SNX25: variants seen among roughly 807,000 people sequenced by gnomAD.
The protein encoded by SNX25 is sorting nexin-25.
Under a neutral mutation model 113.7 loss-of-function variants are expected in SNX25, and 62 were observed. The observed-to-expected ratio is 0.55, with a 90% CI of 0.44 to 0.67. SNX25 has a LOEUF of 0.67. Ranked by LOEUF, SNX25 falls within the 30% of genes least tolerant of loss-of-function variation. The pLI is 0.00. For synonymous variants in SNX25, 421 were observed against 436.2 expected (o/e 0.97, Z 0.43); for missense variants, 1,014 against 1,161.0 (o/e 0.87, Z 1.84).
chr4:185,346,958 T>C (rs548274527), intron 13 of SNX25, among the ~76,000 whole-genome samples: 25 of 152,300 alleles, frequency 1.6e-4, no homozygotes, highest in Admixed American at 1.3e-3. Context: ...GCAACTGCTG[T>C]CCCGACTTCC....
At chr4:185,315,292 A>ATTTTTT (rs56655112) in intron 7 of SNX25, among the ~76,000 whole-genome samples, 1 of 119,384 alleles carries the variant, frequency 8.4e-6, no homozygotes, top group African/African-American at 3.3e-5. Flanking sequence ...TTCACTGGTG[A>ATTTTTT]TTTTTTTTTT....
chr4:185,333,997 C>T (rs941512721), intron 10 of SNX25, among the ~76,000 whole-genome samples: 67 of 148,384 alleles, frequency 4.5e-4, no homozygotes, highest in African/African-American at 1.6e-3. Flanking sequence ...TGCAGTGAGC[C>T]GTGATCATGT....
intron 1 of SNX25, among the ~76,000 whole-genome samples, chr4:185,211,648 C>G (rs1283919204): frequency 6.6e-6 from 1 of 152,136 alleles, no homozygotes; most frequent in African/African-American, 2.4e-5. Context: ...CAACAGGACA[C>G]ATAAATATCC....
intron 1 of SNX25, among the ~76,000 whole-genome samples, chr4:185,239,147 G>A (rs955633409): frequency 7.9e-5 from 12 of 152,142 alleles, no homozygotes; most frequent in Admixed American, 5.2e-4. Context: ...TTGATAAAAC[G>A]TACATGCTTT....
chr4:185,376,993 A>G, the SNX25 span: 1 of 1,613,546 alleles, frequency 6.2e-7, no homozygotes, highest in Non-Finnish European at 8.5e-7. Flanking sequence ...GCAATGCCTT[A>G]TCCACCAAAT....
intron 5 of SNX25, among the ~76,000 whole-genome samples, chr4:185,278,473 G>T (rs1022945095): frequency 1.5e-4 from 21 of 144,662 alleles, no homozygotes; most frequent in Non-Finnish European, 4.5e-5. Flanking sequence ...TAGGATTGTT[G>T]TGATAATTAA....
intron 15 of SNX25, 134 bp downstream of exon 15, chr4:185,353,736 T>A: frequency 1.2e-6 from 1 of 822,294 alleles, no homozygotes; most frequent in Non-Finnish European, 2.0e-6. Flanking sequence ...ATCCATTCAT[T>A]CAACATAGCC....
chr4:185,362,260 A>G (rs575703108), intron 17 of SNX25, 155 bp downstream of exon 17: 1 of 985,390 alleles, frequency 1.0e-6, no homozygotes, highest in Admixed American at 6.1e-5. Flanking sequence ...ACTTGCTAAG[A>G]AGTTATACTG....
chr4:185,376,896 C>T, the SNX25 span: 1 of 1,581,652 alleles, frequency 6.3e-7, no homozygotes. Flanking sequence ...AACGAATAAA[C>T]AAAAAATGAT....
chr4:185,310,661 G>T lies in SNX25; in HGVS notation c.1189G>T (p.Asp397Tyr), dbSNP rs758933763. The T allele has an allele frequency of 6.2e-7, 1 of 1,613,294 alleles. No individual in the cohort carries two copies. Among genetic ancestry groups the T allele is most frequent in the Admixed American group, 1.7e-5 (1 of 59,886 alleles). ...KGKETAAMKA[D>Y]LLRARNMKRY... is the part of the protein sequence containing the mutation. ...TAAAGAAACTGCGGCAATGAAAGCTGATCTCCTGAGGGCCAGGAACATGAA... is the reference window on the plus strand; with the variant it reads ...TAAAGAAACTGCGGCAATGAAAGCTTATCTCCTGAGGGCCAGGAACATGAA... The change falls in exon 7 of 19, where the codon GAT (aspartate) becomes TAT (tyrosine). Residue 397 changes from aspartate to tyrosine, a missense_variant. Physicochemically the swap from Asp to Tyr is radical, Grantham distance 160 (BLOSUM62 -3). Transcript: ENST00000652585.
intron 6 of SNX25, among the ~76,000 whole-genome samples, chr4:185,295,483 T>G (rs557838080): frequency 6.6e-6 from 1 of 151,298 alleles, no homozygotes; most frequent in East Asian, 1.9e-4. Context: ...AGGGTCTGGC[T>G]TTGTCACCCA....
chr4:185,344,107 G>A (rs2095273265), intron 12 of SNX25, among the ~76,000 whole-genome samples: 1 of 152,164 alleles, frequency 6.6e-6, no homozygotes, highest in African/African-American at 2.4e-5. Flanking sequence ...TGTAGTCTCA[G>A]TTTCTCAAGA....
intron 6 of SNX25, among the ~76,000 whole-genome samples, chr4:185,300,339 T>A (rs913735231): frequency 2.6e-5 from 4 of 151,486 alleles, no homozygotes; most frequent in South Asian, 2.1e-4. Context: ...TTTTTTTTTT[T>A]TGTATTTTTA....
intron 7 of SNX25, among the ~76,000 whole-genome samples, chr4:185,317,312 C>T (rs1353692469): frequency 6.6e-6 from 1 of 152,122 alleles, no homozygotes; most frequent in Non-Finnish European, 1.5e-5. Flanking sequence ...ATTAAAAAGT[C>T]GGGAAACAAC....
chr4:185,251,106 T>C (rs988873087), intron 2 of SNX25, among the ~76,000 whole-genome samples: 2 of 152,050 alleles, frequency 1.3e-5, no homozygotes, highest in African/African-American at 4.8e-5. Context: ...GCAGTTCTTG[T>C]GCCTCAGCCT....
At chr4:185,277,342 G>GA (rs1749856858) in intron 5 of SNX25, among the ~76,000 whole-genome samples, 1 of 151,936 alleles carries the variant, frequency 6.6e-6, no homozygotes, top group South Asian at 2.1e-4. Flanking sequence ...CTTTAAAAAA[G>GA]AAAAAAAGTG....
At chr4:185,378,180 A>G in the SNX25 span, 1 of 1,613,996 alleles carries the variant, frequency 6.2e-7, no homozygotes, top group Non-Finnish European at 8.5e-7. Flanking sequence ...TCACTGGTCA[A>G]CTTCATCCTT....
chr4:185,338,060 A>T (rs2095240943), intron 10 of SNX25, among the ~76,000 whole-genome samples: 1 of 152,250 alleles, frequency 6.6e-6, no homozygotes, highest in African/African-American at 2.4e-5. Context: ...TATAATCTGG[A>T]GATGAAACCT....
intron 1 of SNX25, among the ~76,000 whole-genome samples, chr4:185,220,161 T>C (rs546209492): frequency 3.9e-5 from 6 of 152,318 alleles, no homozygotes; most frequent in Admixed American, 2.0e-4. Flanking sequence ...CTCAGACTTA[T>C]TTATTCAACT....
Sources: gnomAD v4.1 joint callset for allele counts (sites outside exome capture counted in the v4.1 genomes callset) on GRCh38, gnomAD v4.1.1 for gene constraint, MANE v1.5 for transcripts, NCBI Gene and HGNC (gene_info 2026-07-23, HGNC 2026-07-21) for gene names.